The following MALRD1 variants were observed in gnomAD, a reference collection of about 807,000 sequenced individuals.
The protein encoded by MALRD1 is MAM and LDL receptor class A domain containing 1, also known as MAM and LDL-receptor class A domain-containing protein 1.
In MALRD1, 247 loss-of-function variants were observed where a neutral mutation model predicts 242.1. That is an observed-to-expected ratio of 1.02 (90% CI 0.92 to 1.13). MALRD1 has a LOEUF of 1.13. Ranked by LOEUF, MALRD1 falls within the 50% of genes most tolerant of loss-of-function variation. The pLI, the probability that MALRD1 is intolerant of heterozygous loss-of-function variation, is 0.00. For synonymous variants in MALRD1, 995 were observed against 866.6 expected (o/e 1.15, Z -2.60); for missense variants, 2,989 against 2,533.1 (o/e 1.18, Z -3.86).
At chr10:19,087,185 C>A (rs981219242) in intron 2 of MALRD1, among the ~76,000 whole-genome samples, 3 of 151,974 alleles carry the variant, frequency 2.0e-5, no homozygotes, top group Admixed American at 2.0e-4. Flanking sequence ...TGATGGTGCT[C>A]CTGCTCTGTC....
chr10:19,373,270 G>GGCCAA (rs201165637), intron 26 of MALRD1, among the ~76,000 whole-genome samples: 9 of 147,960 alleles, frequency 6.1e-5, no homozygotes, highest in East Asian at 2.0e-4. Context: ...CACTTTGGGA[G>GGCCAA]GGCGGACGGA....
At chr10:19,157,910 C>T (rs191754432) in intron 12 of MALRD1, among the ~76,000 whole-genome samples, 2 of 152,202 alleles carry the variant, frequency 1.3e-5, no homozygotes, top group African/African-American at 2.4e-5. Flanking sequence ...CATGGATTAC[C>T]TTGTACTTTA....
intron 14 of MALRD1, among the ~76,000 whole-genome samples, chr10:19,176,820 C>T (rs1321542469): frequency 7.7e-6 from 1 of 130,230 alleles, no homozygotes; most frequent in African/African-American, 2.7e-5. Context: ...GCCTGTGTGT[C>T]TGTGTGTGTG....
chr10:19,611,701 G>A (rs768873241), intron 35 of MALRD1, among the ~76,000 whole-genome samples: 19 of 151,872 alleles, frequency 1.3e-4, no homozygotes, highest in Admixed American at 3.3e-4. Flanking sequence ...AGCCATATCC[G>A]TCTCCTTCCC....
chr10:19,715,098 CCTT>C (rs1373702344), intron 38 of MALRD1, among the ~76,000 whole-genome samples: 1 of 152,040 alleles, frequency 6.6e-6, no homozygotes, highest in Admixed American at 6.6e-5. Flanking sequence ...ATTTATTGCT[CCTT>C]ATTTCCCTAT....
chr10:19,624,676 G>A (rs1297363137), intron 36 of MALRD1, among the ~76,000 whole-genome samples: 1 of 151,874 alleles, frequency 6.6e-6, no homozygotes, highest in Non-Finnish European at 1.5e-5. Context: ...GACCAGCCTG[G>A]CCAACATAGT....
At chr10:19,434,617 C>G (rs989787976) in intron 28 of MALRD1, among the ~76,000 whole-genome samples, 2 of 151,794 alleles carry the variant, frequency 1.3e-5, no homozygotes, top group African/African-American at 4.8e-5. Context: ...ATTCTACATT[C>G]AAGCCACTCC....
At chr10:19,462,885 G>A (rs1037406847) in intron 29 of MALRD1, among the ~76,000 whole-genome samples, 7 of 152,116 alleles carry the variant, frequency 4.6e-5, no homozygotes, top group African/African-American at 1.7e-4. Context: ...CTTTCATCTG[G>A]CTGGCAAGAA....
At chr10:19,147,610 C>G (rs771390773) in intron 11 of MALRD1, among the ~76,000 whole-genome samples, 1 of 152,170 alleles carries the variant, frequency 6.6e-6, no homozygotes, top group Non-Finnish European at 1.5e-5. Context: ...ATAGCATAGA[C>G]GATACCTGGA....
At chr10:19,680,782 T>G (rs1236520200) in intron 36 of MALRD1, among the ~76,000 whole-genome samples, 3 of 152,192 alleles carry the variant, frequency 2.0e-5, no homozygotes, top group Non-Finnish European at 2.9e-5. Flanking sequence ...TAACAGTTTT[T>G]CCTTTCCATA....
chr10:19,517,034 C>T (rs529144293), intron 31 of MALRD1, among the ~76,000 whole-genome samples: 11 of 152,176 alleles, frequency 7.2e-5, no homozygotes, highest in African/African-American at 2.4e-4. Flanking sequence ...GGGTTTGAGA[C>T]GAGGGGTTTT....
intron 36 of MALRD1, among the ~76,000 whole-genome samples, chr10:19,643,881 G>T (rs926279283): frequency 6.6e-6 from 1 of 152,136 alleles, no homozygotes; most frequent in Non-Finnish European, 1.5e-5. Flanking sequence ...CCAGTGGGAT[G>T]CACTGGCAAA....
chr10:19,330,136 C>T (rs1243986570), intron 23 of MALRD1, among the ~76,000 whole-genome samples: 1 of 152,020 alleles, frequency 6.6e-6, no homozygotes, highest in Non-Finnish European at 1.5e-5. Flanking sequence ...CACTTTCAAG[C>T]TCTTCATCTA....
chr10:19,648,913 C>T (rs141090126), intron 36 of MALRD1, among the ~76,000 whole-genome samples: 2 of 152,116 alleles, frequency 1.3e-5, no homozygotes, highest in Non-Finnish European at 2.9e-5. Flanking sequence ...CAAGTAGACC[C>T]TGGTGCCCGT....
At chr10:19,570,832 A>G (rs1026687433) in intron 33 of MALRD1, among the ~76,000 whole-genome samples, 2 of 151,938 alleles carry the variant, frequency 1.3e-5, no homozygotes, top group Non-Finnish European at 2.9e-5. Context: ...TCTTCATGGT[A>G]TTTTTCTTCC....
At chr10:19,488,991 C>T (rs1343563092) in intron 29 of MALRD1, 3 of 448,720 alleles carry the variant, frequency 6.7e-6, no homozygotes, top group South Asian at 3.1e-5. Context: ...GCTCCCAATC[C>T]GGTTCTATCC....
At chr10:19,709,130 G>T (rs972851542) in intron 38 of MALRD1, among the ~76,000 whole-genome samples, 1 of 146,620 alleles carries the variant, frequency 6.8e-6, no homozygotes, top group African/African-American at 2.5e-5. Flanking sequence ...TTATGACTGG[G>T]TGCTGTGGCT....
intron 7 of MALRD1, 29 bp downstream of exon 7, chr10:19,124,699 A>G: frequency 1.6e-6 from 2 of 1,232,226 alleles, no homozygotes; most frequent in African/African-American, 1.5e-5. Context: ...TCTTTTATGT[A>G]TTACTTTCAG....
chr10:19,386,608 A>G (rs1486701124), intron 26 of MALRD1, among the ~76,000 whole-genome samples: 1 of 152,072 alleles, frequency 6.6e-6, no homozygotes, highest in Admixed American at 6.6e-5. Flanking sequence ...AAAGCACTTT[A>G]TTTCCCTCAT....
Sources: allele counts gnomAD v4.1 joint callset (sites outside exome capture counted in the v4.1 genomes callset), GRCh38; gene constraint gnomAD v4.1.1; transcripts MANE v1.5; gene names NCBI Gene and HGNC (gene_info 2026-07-23, HGNC 2026-07-21).